Variants in VCPIP1 observed in about 807,000 individuals in gnomAD.
VCPIP1 encodes the protein deubiquitinating protein VCPIP1.
VCPIP1 carries 8 observed loss-of-function variants against 85.0 expected under a neutral mutation model. That is an observed-to-expected ratio of 0.09 (90% CI 0.06 to 0.17). The LOEUF is 0.17. VCPIP1 is among the 10% of genes least tolerant of loss of function. The pLI is 1.00. For synonymous variants in VCPIP1, 543 were observed against 544.5 expected (o/e 1.00, Z 0.04); for missense variants, 1,070 against 1,486.3 (o/e 0.72, Z 4.61).
At chr8:66,662,922 A>G (rs773924664) in intron 1 of VCPIP1, among the ~76,000 whole-genome samples, 20 of 151,974 alleles carry the variant, frequency 1.3e-4, no homozygotes, top group African/African-American at 1.9e-4. Flanking sequence ...CTGGTCAACA[A>G]GTTGAAACCC....
At chr8:66,654,651 G>C (rs957490881) in intron 1 of VCPIP1, among the ~76,000 whole-genome samples, 5 of 152,194 alleles carry the variant, frequency 3.3e-5, no homozygotes, top group African/African-American at 1.2e-4. Context: ...AAGGATTAGA[G>C]ATCAGGAAGC....
In VCPIP1 at chr8:66,638,970, C is replaced by CTCTCTCTCTCTCTCTCTATATATA; in HGVS notation, c.2798-3599_2798-3598insTATATATAGAGAGAGAGAGAGAGA. Among the ~76,000 whole-genome samples, 4 of 118,436 alleles carry CTCTCTCTCTCTCTCTCTATATATA rather than the reference C, an allele frequency of 3.4e-5. No homozygotes were observed. The South Asian group carries it at 8.3e-4, about 25-fold the overall frequency. 77.7% of individuals were successfully genotyped at this position (118,436 alleles called of 152,430 possible). On this transcript the variant is annotated intron_variant, in intron 2 of 2. Transcript: ENST00000310421. ...TCTCTCTCTCTCTCTCTCTCTCTCT[C>CTCTCTCTCTCTCTCTCTATATATA]TATATATATATATATACATATATTT...
intron 2 of VCPIP1, among the ~76,000 whole-genome samples, chr8:66,640,805 C>A (rs761841815): frequency 1.1e-4 from 17 of 152,174 alleles, no homozygotes; most frequent in Admixed American, 2.6e-4. Context: ...CTCCCCACCC[C>A]ACTGAGAGCC....
At chr8:66,646,685 AC>A (rs1393823064) in intron 2 of VCPIP1, among the ~76,000 whole-genome samples, 3 of 152,072 alleles carry the variant, frequency 2.0e-5, no homozygotes, top group Non-Finnish European at 4.4e-5. Context: ...AATCCCAGCT[AC>A]TCAGGAAGCT....
At position 66,666,512 on chromosome 8, in the gene VCPIP1, G is replaced by C. The variant is rs759830782; in HGVS notation, c.447C>G (p.Leu149=). The change falls in exon 1 of 3, where the codon CTC becomes CTG. Residue 149 remains leucine, a synonymous_variant. Transcript: ENST00000310421. This position sits in a 1 kb window ranked among gnomAD's most constrained non-coding sequence, Gnocchi z 6.3. The part of the protein sequence containing the change: ...MDKQTGRAKL[L]RDMNQGELFD... ...ACAGTTCGCCCTGGTTCATGTCCCGGAGAAGCTTGGCCCGGCCTGTCTGTT... is the reference window on the plus strand; with the variant it reads ...ACAGTTCGCCCTGGTTCATGTCCCGCAGAAGCTTGGCCCGGCCTGTCTGTT... The C allele has an allele frequency of 5.6e-6, 9 of 1,614,064 alleles. No homozygotes were observed. The highest frequency in any genetic ancestry group is 1.3e-5 in the African/African-American group (1 of 74,930).
intron 1 of VCPIP1, among the ~76,000 whole-genome samples, chr8:66,654,206 A>G (rs1811078669): frequency 6.6e-6 from 1 of 152,216 alleles, no homozygotes; most frequent in South Asian, 2.1e-4. Flanking sequence ...CAAATTGGCC[A>G]GGCTCACGCC....
intron 2 of VCPIP1, among the ~76,000 whole-genome samples, chr8:66,637,140 A>G (rs569666530): frequency 2.6e-4 from 39 of 151,930 alleles, no homozygotes; most frequent in African/African-American, 8.2e-4. Context: ...AACAAAGGCT[A>G]GGAGTTTGAT....
chr8:66,658,650 G>A (rs550175819), intron 1 of VCPIP1, among the ~76,000 whole-genome samples: 7 of 151,768 alleles, frequency 4.6e-5, no homozygotes, highest in Admixed American at 1.3e-4. Context: ...CATCATGCCC[G>A]GCTAATTTTT....
chr8:66,661,053 C>T lies in VCPIP1; in HGVS notation c.2710+3196G>A, dbSNP rs189740054. Among the ~76,000 whole-genome samples the T allele has an allele frequency of 5.5e-3, 835 of 152,118 alleles. 7 individuals carry two copies. Among genetic ancestry groups the T allele is most frequent in the Non-Finnish European group, 9.3e-3 (632 of 67,968 alleles). On this transcript the variant is annotated intron_variant, in intron 1 of 2. Transcript: ENST00000310421. ...CGAGACTCTGTCTCAAAAAAAAAAT[C>T]TTCTACATAATTCAAATACAGTCAT...
At position 66,630,985 on chromosome 8, in the gene VCPIP1, A is replaced by C. The variant is rs910040510; in HGVS notation, c.*3516T>G. ...GCCTTAAGGTTGTACAATTTTGTTAAATTATATGATAACCTTGAATGGTAG... is the reference window on the plus strand; with the variant it reads ...GCCTTAAGGTTGTACAATTTTGTTACATTATATGATAACCTTGAATGGTAG... On this transcript the variant is annotated 3_prime_UTR_variant, in exon 3 of 3. Transcript: ENST00000310421. 2 of 152,300 alleles carry C rather than the reference A, an allele frequency of 1.3e-5. No homozygotes were observed. Among genetic ancestry groups the C allele is most frequent in the Admixed American group, 6.6e-5 (1 of 15,264 alleles). 9.4% of individuals were successfully genotyped at this position (152,300 alleles called of 1,614,324 possible).
intron 2 of VCPIP1, among the ~76,000 whole-genome samples, chr8:66,647,608 A>C (rs1811009877): frequency 1.3e-5 from 2 of 152,128 alleles, no homozygotes; most frequent in Non-Finnish European, 2.9e-5. Context: ...AGTTGATTTA[A>C]GAAAAAGTAA....
At position 66,629,707 on chromosome 8, in the gene VCPIP1, G is replaced by C. The variant is rs539391120; in HGVS notation, c.*4794C>G. On this transcript the variant is annotated 3_prime_UTR_variant, in exon 3 of 3. Transcript: ENST00000310421. ...TACAAAAAATACAAAAATTAGCCAG[G>C]TGTGGTGGCACATGCCTGTAGTCCC... 6 of 152,646 alleles carry C rather than the reference G, an allele frequency of 3.9e-5. No homozygotes were observed. Among genetic ancestry groups the C allele is most frequent in the Admixed American group, 3.9e-4 (6 of 15,296 alleles). 9.5% of individuals were successfully genotyped at this position (152,646 alleles called of 1,614,324 possible).
At chr8:66,643,759 T>A (rs1358386834) in intron 2 of VCPIP1, among the ~76,000 whole-genome samples, 9 of 148,312 alleles carry the variant, frequency 6.1e-5, no homozygotes, top group South Asian at 2.1e-4. Context: ...AAAGCAAGCA[T>A]AAGGAAGGAA....
intron 1 of VCPIP1, among the ~76,000 whole-genome samples, chr8:66,659,625 T>C (rs1397777910): frequency 6.6e-6 from 1 of 152,126 alleles, no homozygotes; most frequent in Non-Finnish European, 1.5e-5. Context: ...TATCATGCAG[T>C]CAGCCCATTT....
chr8:66,643,884 CA>C (rs35921029), intron 2 of VCPIP1, among the ~76,000 whole-genome samples: 12,877 of 70,464 alleles, frequency 0.18, 1,144 homozygotes, highest in African/African-American at 0.4. Context: ...AATGGACAGC[CA>C]AAAAAAAAAA....
At chr8:66,638,734 A>G (rs1319700068) in intron 2 of VCPIP1, among the ~76,000 whole-genome samples, 2 of 151,920 alleles carry the variant, frequency 1.3e-5, no homozygotes, top group East Asian at 1.9e-4. Context: ...AGCCGAGATC[A>G]CGCCACTGCA....
chr8:66,664,675 G>C lies in VCPIP1; in HGVS notation c.2284C>G (p.Pro762Ala). 1 of 1,613,544 alleles carries C rather than the reference G, an allele frequency of 6.2e-7. No individual in the cohort carries two copies. The highest frequency in any genetic ancestry group is 8.5e-7 in the Non-Finnish European group (1 of 1,179,714). ...GTCGGTGAATAGGGAGCCTTGGTAG[G>C]TGTAGCAGGTGCAGAGGATGGACCA... ...RDGPSSAPAT[P>A]TKAPYSPTTS... Residue 762 changes from proline (P) to alanine (A), a missense_variant, in exon 1 of 3, where the codon CCT (proline) becomes GCT (alanine). Transcript: ENST00000310421.
intron 2 of VCPIP1, among the ~76,000 whole-genome samples, chr8:66,637,370 A>C (rs951900653): frequency 6.6e-6 from 1 of 151,940 alleles, no homozygotes; most frequent in Non-Finnish European, 1.5e-5. Context: ...AACAAAAAAC[A>C]AACACCCCAA....
At chr8:66,662,447 C>A (rs898901797) in intron 1 of VCPIP1, among the ~76,000 whole-genome samples, 1 of 152,166 alleles carries the variant, frequency 6.6e-6, no homozygotes, top group Non-Finnish European at 1.5e-5. Context: ...GACTGACCAT[C>A]CATTCCATTT....
Sources: allele counts gnomAD v4.1 joint callset (sites outside exome capture counted in the v4.1 genomes callset), GRCh38; gene constraint gnomAD v4.1.1; non-coding constraint Gnocchi (gnomAD v3.1); transcripts MANE v1.5; gene names NCBI Gene and HGNC (gene_info 2026-07-23, HGNC 2026-07-21).